MYH10: variants seen among roughly 807,000 people sequenced by gnomAD.
The protein encoded by MYH10 is myosin-10.
In MYH10, 55 loss-of-function variants were observed where a neutral mutation model predicts 257.8. That is an observed-to-expected ratio of 0.21 (90% CI 0.17 to 0.27). The LOEUF is 0.27. Ranked by LOEUF, MYH10 falls within the 10% of genes least tolerant of loss-of-function variation. The pLI is 1.00. For missense variants in MYH10, 1,631 were observed against 2,500.6 expected, an observed-to-expected ratio of 0.65 and a Z score of 7.42; for synonymous variants, 854 against 921.7, an observed-to-expected ratio of 0.93 and a Z score of 1.33.
chr17:8,594,691 T>TA (rs983577512), intron 3 of MYH10, among the ~76,000 whole-genome samples: 3 of 152,188 alleles, frequency 2.0e-5, no homozygotes, highest in Admixed American at 2.0e-4. Context: ...CCACAGCAGA[T>TA]AAAAAAATCC....
At chr17:8,555,976 A>G (rs2082779669) in intron 7 of MYH10, among the ~76,000 whole-genome samples, 1 of 152,228 alleles carries the variant, frequency 6.6e-6, no homozygotes, top group African/African-American at 2.4e-5. Context: ...AGGGTAAGTG[A>G]TTTGAATAGA....
rs1479378754 is a variant in MYH10 at position 8,545,646 on chromosome 17, C to A, written c.1279-46G>T. On this transcript the variant is annotated intron_variant, in intron 12 of 42. Transcript: ENST00000360416. This position sits in a 1 kb window ranked among gnomAD's most constrained non-coding sequence, Gnocchi z 4.7. ...CCTTTTATTCTGGAAACAATCTCAA[C>A]AAAGCATAAATAGCTGTTTTACGGA... 1 of 1,586,552 alleles carries A rather than the reference C, an allele frequency of 6.3e-7. No homozygotes were observed. Among genetic ancestry groups the A allele is most frequent in the Non-Finnish European group, 8.6e-7 (1 of 1,167,720 alleles).
At chr17:8,507,785 A>AACAT (rs1485659887) in intron 26 of MYH10, among the ~76,000 whole-genome samples, 1 of 152,206 alleles carries the variant, frequency 6.6e-6, no homozygotes, top group Non-Finnish European at 1.5e-5. Flanking sequence ...CAGCCTGACC[A>AACAT]ACATGGTGAA....
At chr17:8,614,671 T>G (rs1396362749) in intron 2 of MYH10, among the ~76,000 whole-genome samples, 4 of 152,140 alleles carry the variant, frequency 2.6e-5, no homozygotes, top group Non-Finnish European at 4.4e-5. Context: ...CCTCATTAAT[T>G]TCAACTGAAT....
intron 3 of MYH10, among the ~76,000 whole-genome samples, chr17:8,601,879 A>G (rs2084615142): frequency 1.3e-5 from 2 of 152,174 alleles, no homozygotes; most frequent in South Asian, 4.1e-4. Flanking sequence ...AATATTTTTT[A>G]TTAATACACT....
intron 3 of MYH10, among the ~76,000 whole-genome samples, chr17:8,596,575 T>C (rs895141201): frequency 1.3e-5 from 2 of 150,998 alleles, no homozygotes; most frequent in African/African-American, 4.9e-5. Flanking sequence ...ACTTGCTTTC[T>C]CAAGGTTCAC....
intron 3 of MYH10, among the ~76,000 whole-genome samples, chr17:8,595,602 T>C (rs1484041658): frequency 6.6e-6 from 1 of 151,912 alleles, no homozygotes; most frequent in Non-Finnish European, 1.5e-5. Context: ...CCGGCTAATT[T>C]TGTATTTTTA....
intron 14 of MYH10, among the ~76,000 whole-genome samples, chr17:8,537,392 A>G (rs2082172570): frequency 6.6e-6 from 1 of 152,234 alleles, no homozygotes; most frequent in African/African-American, 2.4e-5. Context: ...AGTGTAATAA[A>G]GTGGTCAGAG....
At chr17:8,585,288 G>GTGTATATATATATATATATATATA (rs1282490980) in intron 4 of MYH10, among the ~76,000 whole-genome samples, 3 of 99,330 alleles carry the variant, frequency 3.0e-5, no homozygotes, top group Admixed American at 1.1e-4. Flanking sequence ...GTGTGTGTGT[G>GTGTATATATATATATATATATATA]TATATATATA....
intron 6 of MYH10, among the ~76,000 whole-genome samples, chr17:8,570,575 T>C (rs2083301308): frequency 6.6e-6 from 1 of 152,228 alleles, no homozygotes; most frequent in Non-Finnish European, 1.5e-5. Flanking sequence ...GCTGTGTTTC[T>C]GGAATGTAAT....
chr17:8,576,879 C>T (rs1216965441), intron 5 of MYH10, among the ~76,000 whole-genome samples: 1 of 152,166 alleles, frequency 6.6e-6, no homozygotes, highest in Non-Finnish European at 1.5e-5. Flanking sequence ...CTTTTTCTGT[C>T]ATCACTTCTT....
intron 11 of MYH10, 58 bp downstream of exon 11, chr17:8,548,255 T>C: frequency 7.2e-7 from 1 of 1,382,826 alleles, no homozygotes; most frequent in Non-Finnish European, 1.0e-6. Flanking sequence ...TGTAACACCT[T>C]CTTAGAGAGC....
intron 1 of MYH10, among the ~76,000 whole-genome samples, chr17:8,626,404 A>C (rs2085676418): frequency 6.6e-6 from 1 of 151,842 alleles, no homozygotes; most frequent in African/African-American, 2.4e-5. Flanking sequence ...CGTCTCTACA[A>C]AAAATACAAA....
rs545762650 is a variant in MYH10, at chr17:8,484,998, T to A, written c.5047-732A>T. The stretch of plus-strand genomic sequence containing the variant: ...GATAAAGAAATAAAAGATATCCAGA[T>A]TGGAAAGGAAGAAGTAAAACTAGTT... On this transcript the variant is annotated intron_variant, in intron 36 of 42. Coordinates refer to ENST00000360416, the MANE Select transcript of MYH10 (RefSeq NM_001256012.3). Among the ~76,000 whole-genome samples the A allele has an allele frequency of 6.6e-5, 10 of 152,280 alleles. No homozygotes were observed. The South Asian group carries it at 2.1e-3, about 32-fold the overall frequency.
intron 9 of MYH10, among the ~76,000 whole-genome samples, chr17:8,550,950 C>T (rs1438506494): frequency 6.6e-6 from 1 of 151,408 alleles, no homozygotes; most frequent in Non-Finnish European, 1.5e-5. Context: ...CAGCATGCTC[C>T]TTAAGAGTCA....
intron 2 of MYH10, among the ~76,000 whole-genome samples, chr17:8,610,280 A>C (rs1415763023): frequency 1.4e-5 from 2 of 145,170 alleles, no homozygotes; most frequent in Non-Finnish European, 3.0e-5. Flanking sequence ...GCAAAAAAAA[A>C]AAAAAAAAAA....
rs184858760 is a variant in MYH10, at chr17:8,613,475, G to A, written c.346-8493C>T. Among the ~76,000 whole-genome samples, 29 of 152,220 alleles carry A rather than the reference G, an allele frequency of 1.9e-4. No homozygotes were observed. In the East Asian group the frequency reaches 5.6e-3, roughly 29 times the overall value. Reference sequence around the variant, plus strand: ...AAATAAATTTGTTCAGGTGCTCTCAGGCCCTACCTATCATGATCTACAAAA... The same window carrying A: ...AAATAAATTTGTTCAGGTGCTCTCAAGCCCTACCTATCATGATCTACAAAA... On this transcript the variant is annotated intron_variant, in intron 2 of 42. Coordinates refer to ENST00000360416, the MANE Select transcript of MYH10 (RefSeq NM_001256012.3).
At chr17:8,583,208 T>C (rs1302927184) in intron 4 of MYH10, among the ~76,000 whole-genome samples, 2 of 152,194 alleles carry the variant, frequency 1.3e-5, no homozygotes, top group African/African-American at 4.8e-5. Flanking sequence ...TCCAAAGACA[T>C]GTTCACTTTC....
At chr17:8,511,054 ATATAT>A (rs2081269838) in intron 24 of MYH10, 1 of 114,520 alleles carries the variant, frequency 8.7e-6, no homozygotes, top group African/African-American at 4.2e-5. Flanking sequence ...ATATATATAT[ATATAT>A]ACACACATAC....
Sources: gnomAD v4.1 joint callset for allele counts (sites outside exome capture counted in the v4.1 genomes callset) on GRCh38, gnomAD v4.1.1 for gene constraint, Gnocchi (gnomAD v3.1) non-coding constraint, MANE v1.5 for transcripts, NCBI Gene and HGNC (gene_info 2026-07-23, HGNC 2026-07-21) for gene names.